GRID2: variants seen among roughly 807,000 people sequenced by gnomAD.
GRID2 encodes glutamate ionotropic receptor delta type subunit 2, also known as glutamate receptor ionotropic, delta-2.
In GRID2, 33 loss-of-function variants were observed where a neutral mutation model predicts 114.8. The ratio of observed to expected loss-of-function variants is 0.29; its 90% CI spans 0.22 to 0.38. The LOEUF is 0.38. Ranked by LOEUF, GRID2 falls within the 10% of genes least tolerant of loss-of-function variation. GRID2 has a pLI of 1.00. For synonymous variants in GRID2, 505 were observed against 449.9 expected, an observed-to-expected ratio of 1.12 and a Z score of -1.55; for missense variants, 1,184 against 1,257.7, an observed-to-expected ratio of 0.94 and a Z score of 0.89.
At chr4:93,540,554 G>A (rs6836589) in intron 13 of GRID2, among the ~76,000 whole-genome samples, 25,891 of 152,158 alleles carry the variant, frequency 0.17, 2,751 homozygotes, top group Middle Eastern at 0.28. Context: ...GCAGGGTTGA[G>A]CTTGTTTCAT....
intron 4 of GRID2, among the ~76,000 whole-genome samples, chr4:93,124,697 T>C (rs1165005138): frequency 6.6e-6 from 1 of 152,160 alleles, no homozygotes; most frequent in Non-Finnish European, 1.5e-5. Flanking sequence ...CATGAAGCTT[T>C]GTTGAAAAAT....
At position 92,815,920 on chromosome 4, in the gene GRID2, AAAAAAAAAAAAAAAAAAAG is replaced by A. The variant is rs1406306496; in HGVS notation, c.244+225635_244+225653del. On this transcript the variant is annotated intron_variant, in intron 2 of 15. Coordinates refer to ENST00000282020, the MANE Select transcript of GRID2 (RefSeq NM_001510.4). The stretch of plus-strand genomic sequence containing the variant: ...ACAGTGCATGACCCTGTCTCAAAAA[AAAAAAAAAAAAAAAAAAAG>A]GAAAGAAAAAAACAAAAAGCCAAAA... Among the ~76,000 whole-genome samples, 962 of 147,222 alleles carry A rather than the reference AAAAAAAAAAAAAAAAAAAG, an allele frequency of 6.5e-3. 19 individuals carry two copies. The highest frequency in any genetic ancestry group is 0.022 in the African/African-American group (901 of 40,230).
chr4:93,327,138 G>T (rs1433668), intron 8 of GRID2, among the ~76,000 whole-genome samples: 31 of 151,744 alleles, frequency 2.0e-4, no homozygotes, highest in Non-Finnish European at 3.7e-4. Context: ...GTCTTATTCA[G>T]TATGGTTTTT....
chr4:92,686,986 G>T (rs1318584418), intron 2 of GRID2, among the ~76,000 whole-genome samples: 2 of 152,034 alleles, frequency 1.3e-5, no homozygotes, highest in African/African-American at 4.8e-5. Context: ...TCTCTGTCTT[G>T]TCATTATAAG....
rs560950586 is a variant in GRID2, at chr4:93,752,273, G to A, written c.2361-16937G>A. 3.1e-4 allele frequency among the ~76,000 whole-genome samples: 47 copies of A among 152,120 alleles called. No homozygotes were observed. In the South Asian group the frequency reaches 9.8e-3, roughly 32 times the overall value. On this transcript the variant is annotated intron_variant, in intron 14 of 15. Coordinates refer to ENST00000282020, the MANE Select transcript of GRID2 (RefSeq NM_001510.4). Reference sequence around the variant, plus strand: ...GGATTAGGAAAACTGAAGCTCAGAGGGATCATGTTATCTTGCCAGTACATA... The same window carrying A: ...GGATTAGGAAAACTGAAGCTCAGAGAGATCATGTTATCTTGCCAGTACATA...
chr4:93,059,075 T>C (rs771185202), intron 2 of GRID2, among the ~76,000 whole-genome samples: 1 of 151,998 alleles, frequency 6.6e-6, no homozygotes, highest in Non-Finnish European at 1.5e-5. Context: ...CACCAGGAGC[T>C]CTTAGTAATT....
chr4:92,640,428 G>A (rs545004992), intron 2 of GRID2, among the ~76,000 whole-genome samples: 5 of 151,854 alleles, frequency 3.3e-5, no homozygotes, highest in African/African-American at 1.2e-4. Flanking sequence ...ACTATTAAAT[G>A]GTAATGTTAG....
chr4:93,553,659 C>T (rs1457803588), intron 13 of GRID2, among the ~76,000 whole-genome samples: 3 of 152,094 alleles, frequency 2.0e-5, no homozygotes, highest in Admixed American at 2.0e-4. Context: ...AGTTATGAAC[C>T]TACTTTTAAC....
chr4:93,166,134 T>C (rs1174862483), intron 4 of GRID2: 1 of 152,144 alleles, frequency 6.6e-6, no homozygotes. Flanking sequence ...AAGAGAGAAT[T>C]GGAGCTAGCA....
intron 2 of GRID2, among the ~76,000 whole-genome samples, chr4:92,989,637 T>C (rs1480369471): frequency 1.3e-5 from 2 of 152,214 alleles, no homozygotes; most frequent in South Asian, 2.1e-4. Flanking sequence ...TTTAATGTCA[T>C]GACAGAGCTA....
chr4:92,851,642 A>G (rs887865311), intron 2 of GRID2, among the ~76,000 whole-genome samples: 2 of 152,020 alleles, frequency 1.3e-5, no homozygotes, highest in African/African-American at 4.8e-5. Context: ...TTTCAGTTAA[A>G]GAAAAGTTGT....
chr4:93,311,538 A>G (rs1756014306), intron 8 of GRID2, among the ~76,000 whole-genome samples: 1 of 152,242 alleles, frequency 6.6e-6, no homozygotes, highest in Admixed American at 6.5e-5. Flanking sequence ...AAGAAAAAAA[A>G]TGAGGCAGGG....
At chr4:92,443,428 G>A (rs757498856) in intron 1 of GRID2, among the ~76,000 whole-genome samples, 27 of 151,976 alleles carry the variant, frequency 1.8e-4, no homozygotes, top group Admixed American at 2.0e-4. Flanking sequence ...AATGGAGGGT[G>A]GAAGGTTGCC....
intron 2 of GRID2, among the ~76,000 whole-genome samples, chr4:92,663,403 C>T (rs1732611820): frequency 6.6e-6 from 1 of 150,956 alleles, no homozygotes; most frequent in Non-Finnish European, 1.5e-5. Context: ...ATATACTAGT[C>T]AGGAAGTAAC....
At chr4:92,736,000 G>A (rs1049357460) in intron 2 of GRID2, among the ~76,000 whole-genome samples, 2 of 152,068 alleles carry the variant, frequency 1.3e-5, no homozygotes, top group Non-Finnish European at 2.9e-5. Context: ...CCCCCCCAAA[G>A]ATACCCACTT....
At chr4:92,349,820 C>T (rs1727974241) in intron 1 of GRID2, among the ~76,000 whole-genome samples, 1 of 151,656 alleles carries the variant, frequency 6.6e-6, no homozygotes, top group Admixed American at 6.6e-5. Context: ...GAAAAGGAAA[C>T]ATGAAAAATG....
At chr4:93,243,041 A>G (rs1278404102) in intron 8 of GRID2, among the ~76,000 whole-genome samples, 1 of 152,052 alleles carries the variant, frequency 6.6e-6, no homozygotes, top group East Asian at 1.9e-4. Flanking sequence ...CTGGCACTAT[A>G]GAGGTATTAT....
chr4:93,133,256 A>C (rs1001626301), intron 4 of GRID2, among the ~76,000 whole-genome samples: 11 of 152,290 alleles, frequency 7.2e-5, no homozygotes, highest in African/African-American at 2.2e-4. Flanking sequence ...AAAAGAGCAG[A>C]GCTAGATGTG....
At chr4:92,829,935 G>A (rs189014635) in intron 2 of GRID2, among the ~76,000 whole-genome samples, 34 of 152,140 alleles carry the variant, frequency 2.2e-4, no homozygotes, top group Non-Finnish European at 4.3e-4. Context: ...CCTGTCAGGG[G>A]TGGGGACAAG....
Sources: allele counts gnomAD v4.1 joint callset (sites outside exome capture counted in the v4.1 genomes callset), GRCh38; gene constraint gnomAD v4.1.1; transcripts MANE v1.5; gene names NCBI Gene and HGNC (gene_info 2026-07-23, HGNC 2026-07-21).